The following TLX1 variants were observed in gnomAD, a reference collection of about 807,000 sequenced individuals.
TLX1 encodes the protein T-cell leukemia homeobox protein 1.
TLX1 carries 6 observed loss-of-function variants against 26.5 expected under a neutral mutation model. The observed-to-expected ratio is 0.23, with a 90% CI of 0.12 to 0.45. The LOEUF (loss-of-function observed/expected upper bound fraction) is 0.45. TLX1 is among the 20% of genes least tolerant of loss of function. TLX1 has a pLI of 0.99. For missense variants in TLX1, 418 were observed against 482.6 expected (o/e 0.87, Z 1.25); for synonymous variants, 217 against 219.7 (o/e 0.99, Z 0.11).
Position 101,136,775 on chromosome 10 carries a change from G to T in TLX1, c.855G>T (p.Lys285Asn). Reference sequence around the variant, plus strand: ...AGTTGCAGCAGGAGGCCTTCCAGAAGAGCCTGGCACAGCCGCTGCCCGCTG... The same window carrying T: ...AGTTGCAGCAGGAGGCCTTCCAGAATAGCCTGGCACAGCCGCTGCCCGCTG... The part of the protein sequence containing the change: ...LLQLQQEAFQ[K>N]SLAQPLPADP... Residue 285 changes from lysine to asparagine, a missense_variant, in exon 3 of 3, where the codon AAG (lysine) becomes AAT (asparagine). By Grantham distance (94) the Lys-to-Asn change is moderately conservative. This residue lies in a region of TLX1 where 78 missense variants were observed against 92.2 expected (regional missense o/e 0.85). Coordinates refer to ENST00000370196, the MANE Select transcript of TLX1 (RefSeq NM_005521.4). The T allele has an allele frequency of 6.2e-7, 1 of 1,613,424 alleles. No homozygotes were observed. Among genetic ancestry groups the T allele is most frequent in the Non-Finnish European group, 8.5e-7 (1 of 1,180,020 alleles).
intron 2 of TLX1, 79 bp downstream of exon 2, chr10:101,134,455 C>G: frequency 7.2e-7 from 1 of 1,382,374 alleles, no homozygotes; most frequent in Non-Finnish European, 9.6e-7. Context: ...TCTCGTGGGG[C>G]GCACATACTT....
Position 101,132,232 on chromosome 10 carries a change from C to A in TLX1, c.568+123C>A. 1 of 909,540 alleles carries A rather than the reference C, an allele frequency of 1.1e-6. No individual in the cohort carries two copies. Among genetic ancestry groups the A allele is most frequent in the Non-Finnish European group, 1.5e-6 (1 of 686,460 alleles). The allele number at this position is 909,540 out of a possible 1,614,324, so 56.3% of individuals were successfully genotyped here. A position where few individuals can be genotyped will look rare whatever the true frequency, so the allele number is the denominator to read the frequency against. The stretch of plus-strand genomic sequence containing the variant: ...GGTCGCCCAGCTCTTCTTGGTGCTT[C>A]CCCCAAGTTGAGCCGCCCGCCCGAT... On this transcript the variant is annotated intron_variant, in intron 1 of 2. Coordinates refer to ENST00000370196, the MANE Select transcript of TLX1 (RefSeq NM_005521.4). The surrounding 1 kb of genome is among the most constrained non-coding windows in gnomAD (Gnocchi z 4.1).
chr10:101,136,193 G>C (rs1590130298), intron 2 of TLX1, among the ~76,000 whole-genome samples: 1 of 152,232 alleles, frequency 6.6e-6, no homozygotes, highest in Non-Finnish European at 1.5e-5. Flanking sequence ...CCACACAGAA[G>C]GCCCAAGTCC....
chr10:101,133,368 C>A (rs1258560358), intron 1 of TLX1, among the ~76,000 whole-genome samples: 1 of 152,224 alleles, frequency 6.6e-6, no homozygotes, highest in Non-Finnish European at 1.5e-5. Flanking sequence ...AGAGGAAGAA[C>A]AGTTGCTTGG....
Position 101,136,853 on chromosome 10 carries a change from G to A in TLX1, c.933G>A (p.Pro311=), listed in dbSNP as rs1241615129. The A allele has an allele frequency of 6.2e-7, 1 of 1,613,748 alleles. No homozygotes were observed. Among genetic ancestry groups the A allele is most frequent in the East Asian group, 2.2e-5 (1 of 44,870 alleles). The part of the protein sequence containing the change: ...SSLFALQNLQ[P]WSDDSTKITS... ...TCTTCGCCCTGCAGAATCTGCAGCC[G>A]TGGTCTGACGACTCGACCAAAATCA... The change falls in exon 3 of 3, where the codon CCG becomes CCA. Residue 311 remains proline (P), a synonymous_variant. Transcript: ENST00000370196.
At position 101,131,518 on chromosome 10, in the gene TLX1, C is replaced by A. The variant is rs772430343; in HGVS notation, c.-24C>A. On this transcript the variant is annotated 5_prime_UTR_variant, in exon 1 of 3. Transcript: ENST00000370196. ...AGCGCAGCGAGCGCCGCCGCCCGGG[C>A]CCCCCGGTGGGGCCAGGGCCAGCAT... 1.4e-6 allele frequency: 2 copies of A among 1,417,704 alleles called. No individual in the cohort carries two copies. The highest frequency in any genetic ancestry group is 1.5e-5 in the African/African-American group (1 of 66,760). 87.8% of individuals were successfully genotyped at this position (1,417,704 alleles called of 1,614,324 possible).
Position 101,137,041 on chromosome 10 carries a change from C to T in TLX1, c.*128C>T. The T allele has an allele frequency of 8.3e-7, 1 of 1,207,038 alleles. No homozygotes were observed. Among genetic ancestry groups the T allele is most frequent in the Non-Finnish European group, 1.1e-6 (1 of 880,790 alleles). The allele number at this position is 1,207,038 out of a possible 1,614,324, so 74.8% of individuals were successfully genotyped here. A position where few individuals can be genotyped will look rare whatever the true frequency, so the allele number is the denominator to read the frequency against. ...GAGGGGAACACTGCCCTCGCACGGCCCCGAAGGGCCCCCACATTTGTGCCG... is the reference window on the plus strand; with the variant it reads ...GAGGGGAACACTGCCCTCGCACGGCTCCGAAGGGCCCCCACATTTGTGCCG... On this transcript the variant is annotated 3_prime_UTR_variant, in exon 3 of 3. Transcript: ENST00000370196.
At chr10:101,133,338 T>A (rs1417724600) in intron 1 of TLX1, among the ~76,000 whole-genome samples, 1 of 152,122 alleles carries the variant, frequency 6.6e-6, no homozygotes, top group Admixed American at 6.5e-5. Flanking sequence ...ACGGCAGAAG[T>A]GGTGTGGAGG....
In TLX1 at chr10:101,132,565, C is replaced by T. The variant is rs183107775; in HGVS notation, c.568+456C>T. On this transcript the variant is annotated intron_variant, in intron 1 of 2. Coordinates refer to ENST00000370196, the MANE Select transcript of TLX1 (RefSeq NM_005521.4). This position sits in a 1 kb window ranked among gnomAD's most constrained non-coding sequence, Gnocchi z 4.1. ...AGGTTCCCCCACCTCCAGTCCCCTA[C>T]ACACATGCACTTCGCGCCCCTAGCT... is the stretch of plus-strand genomic sequence containing the variant. Among the ~76,000 whole-genome samples, 1 of 152,312 alleles carries T rather than the reference C, an allele frequency of 6.6e-6. No homozygotes were observed. Among genetic ancestry groups the T allele is most frequent in the Non-Finnish European group, 1.5e-5 (1 of 68,020 alleles).
chr10:101,134,398 G>A (rs1222577224), intron 2 of TLX1, 22 bp downstream of exon 2: 1 of 1,529,778 alleles, frequency 6.5e-7, no homozygotes, highest in South Asian at 1.2e-5. Context: ...GGGCGGGCCG[G>A]CCGCCCGCGA....
At position 101,131,455 on chromosome 10, in the gene TLX1, T is replaced by C; in HGVS notation, c.-87T>C. 1 of 1,120,950 alleles carries C rather than the reference T, an allele frequency of 8.9e-7. No individual in the cohort carries two copies. The highest frequency in any genetic ancestry group is 1.2e-6 in the Non-Finnish European group (1 of 855,784). The allele number at this position is 1,120,950 out of a possible 1,614,324, so 69.4% of individuals were successfully genotyped here. A position where few individuals can be genotyped will look rare whatever the true frequency, so the allele number is the denominator to read the frequency against. Reference sequence around the variant, plus strand: ...AAGTCTCCGCGCAGCCAGGAGCCGCTGTTGCCTCCCAGCCCCTGCTAGCTG... The same window carrying C: ...AAGTCTCCGCGCAGCCAGGAGCCGCCGTTGCCTCCCAGCCCCTGCTAGCTG... On this transcript the variant is annotated 5_prime_UTR_variant, in exon 1 of 3. Coordinates refer to ENST00000370196, the MANE Select transcript of TLX1 (RefSeq NM_005521.4).
rs1940188081 is a variant in TLX1, at chr10:101,132,010, G to A, written c.469G>A (p.Val157Met). ...GCCCCTGGCCACCGGCTTGCCCACC[G>A]TGCCCTCTGTGCCTGCCATGCCGGG... ...PQPLATGLPTVPSVPAMPGVN... is the reference protein window; with the variant it reads ...PQPLATGLPTMPSVPAMPGVN... The change falls in exon 1 of 3, where the codon GTG becomes ATG. Residue 157 changes from valine to methionine, a missense_variant. By Grantham distance (21) the Val-to-Met change is conservative (BLOSUM62 1). Coordinates refer to ENST00000370196, the MANE Select transcript of TLX1 (RefSeq NM_005521.4). The surrounding 1 kb of genome is among the most constrained non-coding windows in gnomAD (Gnocchi z 4.1). 1 of 1,518,478 alleles carries A rather than the reference G, an allele frequency of 6.6e-7. No homozygotes were observed. Among genetic ancestry groups the A allele is most frequent in the South Asian group, 1.2e-5 (1 of 80,788 alleles). 94.1% of individuals were successfully genotyped at this position (1,518,478 alleles called of 1,614,324 possible). A position where few individuals can be genotyped will look rare whatever the true frequency, so the allele number is the denominator to read the frequency against.
At position 101,137,082 on chromosome 10, in the gene TLX1, C is replaced by G. The variant is rs1289079978; in HGVS notation, c.*169C>G. On this transcript the variant is annotated 3_prime_UTR_variant, in exon 3 of 3. Coordinates refer to ENST00000370196, the MANE Select transcript of TLX1 (RefSeq NM_005521.4). ...ATTTGTGCCGACACTGTTCTCCCTT[C>G]GGTGGAAGAGCTCAAGGGACAAGGA... The G allele has an allele frequency of 2.3e-6, 2 of 887,936 alleles. No homozygotes were observed. The highest frequency in any genetic ancestry group is 3.3e-6 in the Non-Finnish European group (2 of 598,672). The allele number at this position is 887,936 out of a possible 1,614,324, so 55.0% of individuals were successfully genotyped here.
Position 101,136,945 on chromosome 10 carries a change from C to A in TLX1, c.*32C>A. The A allele has an allele frequency of 6.2e-7, 1 of 1,608,896 alleles. No homozygotes were observed. Among genetic ancestry groups the A allele is most frequent in the Non-Finnish European group, 8.5e-7 (1 of 1,176,866 alleles). Reference sequence around the variant, plus strand: ...CCATTCTGCCCTGTGGGACCCCAGGCCCACTCAGGGGTCACTGAGGCCTGA... The same window carrying A: ...CCATTCTGCCCTGTGGGACCCCAGGACCACTCAGGGGTCACTGAGGCCTGA... On this transcript the variant is annotated 3_prime_UTR_variant, in exon 3 of 3. Coordinates refer to ENST00000370196, the MANE Select transcript of TLX1 (RefSeq NM_005521.4).
chr10:101,132,602 G>A lies in TLX1; in HGVS notation c.568+493G>A, dbSNP rs755573563. Among the ~76,000 whole-genome samples the A allele has an allele frequency of 8.6e-5, 13 of 150,482 alleles. No individual in the cohort carries two copies. Among genetic ancestry groups the A allele is most frequent in the Non-Finnish European group, 1.6e-4 (11 of 67,820 alleles). ...TCGCGCCCCTAGCTCCGGTGCCCGT[G>A]GTGCTGCGGGGCCAGTGGGGGCTCT... On this transcript the variant is annotated intron_variant, in intron 1 of 2. Coordinates refer to ENST00000370196, the MANE Select transcript of TLX1 (RefSeq NM_005521.4). This position sits in a 1 kb window ranked among gnomAD's most constrained non-coding sequence, Gnocchi z 4.1.
At position 101,131,460 on chromosome 10, in the gene TLX1, C is replaced by A; in HGVS notation, c.-82C>A. 2 of 1,177,242 alleles carry A rather than the reference C, an allele frequency of 1.7e-6. No individual in the cohort carries two copies. Among genetic ancestry groups the A allele is most frequent in the Non-Finnish European group, 2.2e-6 (2 of 905,806 alleles). 72.9% of individuals were successfully genotyped at this position (1,177,242 alleles called of 1,614,324 possible). ...TCCGCGCAGCCAGGAGCCGCTGTTG[C>A]CTCCCAGCCCCTGCTAGCTGCCCCC... is the stretch of plus-strand genomic sequence containing the variant. On this transcript the variant is annotated 5_prime_UTR_variant, in exon 1 of 3. Transcript: ENST00000370196.
In TLX1 at chr10:101,134,263, C is replaced by T. The variant is rs956501117; in HGVS notation, c.657C>T (p.Arg219=). The change falls in exon 2 of 3, where the codon CGC becomes CGT. Residue 219 remains arginine, a synonymous_variant. Transcript: ENST00000370196. ...TRLQICELEK[R]FHRQKYLASA... ...TGCAGATCTGCGAGCTGGAGAAGCG[C>T]TTCCACCGCCAGAAGTACCTGGCCT... 6.2e-7 allele frequency: 1 copy of T among 1,612,196 alleles called. No homozygotes were observed. The highest frequency in any genetic ancestry group is 8.5e-7 in the Non-Finnish European group (1 of 1,179,422).
chr10:101,137,002 C>G lies in TLX1; in HGVS notation c.*89C>G, dbSNP rs536056309. 6.6e-7 allele frequency: 1 copy of G among 1,506,044 alleles called. No individual in the cohort carries two copies. Among genetic ancestry groups the G allele is most frequent in the East Asian group, 2.4e-5 (1 of 42,076 alleles). 93.3% of individuals were successfully genotyped at this position (1,506,044 alleles called of 1,614,324 possible). On this transcript the variant is annotated 3_prime_UTR_variant, in exon 3 of 3. Transcript: ENST00000370196. ...GGACTCCTCCCCACCCTCCTGGCCT[C>G]AGACTGCACCCAGGAGGGGAACACT...
chr10:101,134,894 A>C (rs1206638291), intron 2 of TLX1, among the ~76,000 whole-genome samples: 2 of 152,310 alleles, frequency 1.3e-5, no homozygotes, highest in Non-Finnish European at 2.9e-5. Context: ...GCCTTTGCGC[A>C]GCCGGTCCCT....
Sources: allele counts gnomAD v4.1 joint callset (sites outside exome capture counted in the v4.1 genomes callset), GRCh38; gene constraint gnomAD v4.1.1; regional missense constraint gnomAD v4.1.1; non-coding constraint Gnocchi (gnomAD v3.1); transcripts MANE v1.5; gene names NCBI Gene and HGNC (gene_info 2026-07-23, HGNC 2026-07-21).